The following OVOL2 variants were observed in gnomAD, a reference collection of about 807,000 sequenced individuals.
OVOL2 encodes transcription factor Ovo-like 2.
OVOL2 carries 13 observed loss-of-function variants against 18.1 expected under a neutral mutation model. The ratio of observed to expected loss-of-function variants is 0.72; its 90% confidence interval spans 0.47 to 1.14. The LOEUF (loss-of-function observed/expected upper bound fraction) is 1.14. OVOL2 is among the 50% of genes most tolerant of loss of function. The probability of loss-of-function intolerance (pLI) is 0.00; values close to 1 mark genes in which losing one functional copy is unlikely to be tolerated. For synonymous variants in OVOL2, 166 were observed against 162.7 expected (o/e 1.02, Z -0.16); for missense variants, 335 against 383.0 (o/e 0.87, Z 1.05).
At chr20:18,036,628 A>G (rs901578708) in intron 3 of OVOL2, among the ~76,000 whole-genome samples, 1 of 152,120 alleles carries the variant, frequency 6.6e-6, no homozygotes, top group Non-Finnish European at 1.5e-5. Context: ...GAGATGGAGA[A>G]AATCTGAGAA....
rs560149824 is a variant in OVOL2 at position 18,028,996 on chromosome 20, A to G, written c.512-4044T>C. Among the ~76,000 whole-genome samples the G allele has an allele frequency of 5.3e-5, 8 of 151,788 alleles. No individual in the cohort carries two copies. In the East Asian group the frequency reaches 1.4e-3, roughly 26 times the overall value. On this transcript the variant is annotated intron_variant, in intron 3 of 3. Transcript: ENST00000278780. ...TCGCAAGTTTCTTGTGATCCTTCAC[A>G]TTTTCTACAAATTATATATATGTAC...
chr20:18,034,371 C>G (rs2036596199), intron 3 of OVOL2, among the ~76,000 whole-genome samples: 1 of 152,170 alleles, frequency 6.6e-6, no homozygotes, highest in South Asian at 2.1e-4. Context: ...CCTGATCCCC[C>G]CTGGGATGAG....
chr20:18,057,499 G>C lies in OVOL2; in HGVS notation c.100+36C>G. On this transcript the variant is annotated intron_variant, in intron 1 of 3. Transcript: ENST00000278780. The surrounding 1 kb of genome is among the most constrained non-coding windows in gnomAD (Gnocchi z 6.3). ...CGCCACCCCTTCCCCCACCCCGGGA[G>C]CCCAGCGCCCAGGCCCGGCCCCCGC... 6.5e-7 allele frequency: 1 copy of C among 1,543,988 alleles called. No individual in the cohort carries two copies. The highest frequency in any genetic ancestry group is 8.7e-7 in the Non-Finnish European group (1 of 1,143,282).
In OVOL2 at chr20:18,057,826, G is replaced by C. The variant is rs1198541078; in HGVS notation, c.-192C>G. ...CACGCCTGGCGACTCCCAGCCTCCC[G>C]GCTCGGCGACACCTATGCCTTAAAT... On this transcript the variant is annotated 5_prime_UTR_variant, in exon 1 of 4. Coordinates refer to ENST00000278780, the MANE Select transcript of OVOL2 (RefSeq NM_021220.4). This position sits in a 1 kb window ranked among gnomAD's most constrained non-coding sequence, Gnocchi z 6.3. The C allele has an allele frequency of 2.9e-6, 4 of 1,365,380 alleles. No individual in the cohort carries two copies. Among genetic ancestry groups the C allele is most frequent in the Non-Finnish European group, 3.8e-6 (4 of 1,066,554 alleles). 84.6% of individuals were successfully genotyped at this position (1,365,380 alleles called of 1,614,324 possible).
In OVOL2 at chr20:18,056,080, A is replaced by G. The variant is rs958735868; in HGVS notation, c.321+577T>C. Among the ~76,000 whole-genome samples, 1 of 152,350 alleles carries G rather than the reference A, an allele frequency of 6.6e-6. No individual in the cohort carries two copies. The highest frequency in any genetic ancestry group is 1.9e-4 in the East Asian group (1 of 5,172). On this transcript the variant is annotated intron_variant, in intron 2 of 3. Coordinates refer to ENST00000278780, the MANE Select transcript of OVOL2 (RefSeq NM_021220.4). This position sits in a 1 kb window ranked among gnomAD's most constrained non-coding sequence, Gnocchi z 4.2. ...ACCCATCAATTTAATTCAAGATTGG[A>G]AAGATGACAGATCTAAAGTGCCGTG...
intron 3 of OVOL2, among the ~76,000 whole-genome samples, chr20:18,025,305 C>T (rs189919288): frequency 4.7e-4 from 72 of 152,276 alleles, no homozygotes; most frequent in African/African-American, 1.7e-3. Context: ...CAGTGGCTCA[C>T]GCCTGTAATC....
rs780679936 is a variant in OVOL2 at position 18,024,783 on chromosome 20, C to T, written c.681G>A (p.Glu227=). 1.1e-5 allele frequency: 18 copies of T among 1,614,076 alleles called. No homozygotes were observed. Among genetic ancestry groups the T allele is most frequent in the Admixed American group, 1.7e-5 (1 of 60,000 alleles). ...EDCGYTGPTQ[E]DLYLHVNSAH... Reference sequence around the variant, plus strand: ...CACTGTTCACGTGCAGGTACAGGTCCTCCTGGGTGGGGCCCGTGTAGCCGC... The same window carrying T: ...CACTGTTCACGTGCAGGTACAGGTCTTCCTGGGTGGGGCCCGTGTAGCCGC... Residue 227 remains glutamate, a synonymous_variant, in exon 4 of 4, where the codon GAG becomes GAA. Coordinates refer to ENST00000278780, the MANE Select transcript of OVOL2 (RefSeq NM_021220.4).
upstream of OVOL2, among the ~76,000 whole-genome samples, chr20:18,058,511 G>A (rs1013775703): frequency 3.4e-5 from 5 of 147,490 alleles, no homozygotes; most frequent in African/African-American, 1.0e-4. Flanking sequence ...GCCTTGCCCC[G>A]CCAAAGCAGC....
At chr20:18,057,988 C>T, upstream of OVOL2, 1 of 678,898 alleles carries the variant, frequency 1.5e-6, no homozygotes, top group Non-Finnish European at 2.0e-6. The surrounding 1 kb of genome is among the most constrained non-coding windows in gnomAD (Gnocchi z 6.3). Flanking sequence ...TTCCGGCGGC[C>T]GGGGCTGCCT....
At chr20:18,039,710 C>A (rs2036652257) in intron 3 of OVOL2, among the ~76,000 whole-genome samples, 1 of 151,650 alleles carries the variant, frequency 6.6e-6, no homozygotes. Flanking sequence ...TCTAAGGTGA[C>A]AGAAACTCTT....
intron 3 of OVOL2, among the ~76,000 whole-genome samples, chr20:18,037,464 C>T (rs1213034773): frequency 6.6e-6 from 1 of 152,264 alleles, no homozygotes; most frequent in African/African-American, 2.4e-5. Context: ...CTTCTGCCTG[C>T]AGGGCTGTGT....
intron 3 of OVOL2, among the ~76,000 whole-genome samples, chr20:18,031,872 G>C (rs1278041864): frequency 1.3e-5 from 2 of 152,168 alleles, no homozygotes; most frequent in African/African-American, 4.8e-5. Context: ...AGCAAATCAA[G>C]CTTCGTGCCA....
intron 3 of OVOL2, among the ~76,000 whole-genome samples, chr20:18,032,036 C>A (rs1428401466): frequency 2.0e-5 from 3 of 152,052 alleles, no homozygotes; most frequent in Non-Finnish European, 2.9e-5. Context: ...ACGGCAGCCT[C>A]CCCGGAAGGC....
Position 18,057,687 on chromosome 20 carries a change from AG to A in OVOL2, c.-54del. On this transcript the variant is annotated 5_prime_UTR_variant, in exon 1 of 4. The change abolishes the stop of an existing upstream ORF in the 5' untranslated region. Coordinates refer to ENST00000278780, the MANE Select transcript of OVOL2 (RefSeq NM_021220.4). This position sits in a 1 kb window ranked among gnomAD's most constrained non-coding sequence, Gnocchi z 6.3. The stretch of plus-strand genomic sequence containing the variant: ...CCCCTCCTCCCGGCTGCTCCCCGCT[AG>A]GGGCAACGGCGGCGGCTCCGTCCCC... The A allele has an allele frequency of 6.6e-7, 1 of 1,512,054 alleles. No homozygotes were observed. The highest frequency in any genetic ancestry group is 8.9e-7 in the Non-Finnish European group (1 of 1,128,314). The allele number at this position is 1,512,054 out of a possible 1,614,324, so 93.7% of individuals were successfully genotyped here.
At chr20:18,025,063 A>T in intron 3 of OVOL2, 111 bp from the exon 4 acceptor site, 1 of 1,285,528 alleles carries the variant, frequency 7.8e-7, no homozygotes, top group Non-Finnish European at 1.1e-6. Context: ...TGGCAGCATG[A>T]GGACAATGGT....
chr20:18,048,006 G>A (rs772334317), intron 2 of OVOL2, among the ~76,000 whole-genome samples: 3 of 151,982 alleles, frequency 2.0e-5, no homozygotes, highest in African/African-American at 4.8e-5. Context: ...CTTGTTTCTC[G>A]GCCAGATACG....
chr20:18,056,926 G>C lies in OVOL2; in HGVS notation c.101-49C>G. On this transcript the variant is annotated intron_variant, in intron 1 of 3. Coordinates refer to ENST00000278780, the MANE Select transcript of OVOL2 (RefSeq NM_021220.4). This position sits in a 1 kb window ranked among gnomAD's most constrained non-coding sequence, Gnocchi z 4.2. The stretch of plus-strand genomic sequence containing the variant: ...CGACACACACACTCGGCGTCAACCC[G>C]CACGCCCGCGGCAGTTTGACCTGCG... 2 of 1,435,204 alleles carry C rather than the reference G, an allele frequency of 1.4e-6. No homozygotes were observed. The highest frequency in any genetic ancestry group is 1.8e-6 in the Non-Finnish European group (2 of 1,103,016). 88.9% of individuals were successfully genotyped at this position (1,435,204 alleles called of 1,614,324 possible).
At chr20:18,029,973 G>C (rs1429294249) in intron 3 of OVOL2, among the ~76,000 whole-genome samples, 1 of 152,096 alleles carries the variant, frequency 6.6e-6, no homozygotes, top group South Asian at 2.1e-4. Flanking sequence ...GTGAGACCCT[G>C]TCTCAGAAAA....
Position 18,037,091 on chromosome 20 carries a change from G to C in OVOL2, c.511+4443C>G, listed in dbSNP as rs578157488. ...GCGGAGCTTGCAGTGAGCCGAGATC[G>C]CGCCACCGCACTCCAGCCTGGGCGA... On this transcript the variant is annotated intron_variant, in intron 3 of 3. Transcript: ENST00000278780. Among the ~76,000 whole-genome samples, 22 of 146,930 alleles carry C rather than the reference G, an allele frequency of 1.5e-4. 1 individual carries two copies. Among genetic ancestry groups the C allele is most frequent in the African/African-American group, 5.1e-4 (20 of 39,192 alleles).
Sources: gnomAD v4.1 joint callset for allele counts (sites outside exome capture counted in the v4.1 genomes callset) on GRCh38, gnomAD v4.1.1 for gene constraint, Gnocchi (gnomAD v3.1) non-coding constraint, MANE v1.5 for transcripts, NCBI Gene and HGNC (gene_info 2026-07-23, HGNC 2026-07-21) for gene names.